NKAIN2: variants seen among roughly 807,000 people sequenced by gnomAD.
NKAIN2 encodes the protein sodium/potassium-transporting ATPase subunit beta-1-interacting protein 2.
A neutral mutation model predicts 32.6 loss-of-function variants in NKAIN2; 14 were observed. That is an observed-to-expected ratio of 0.43 (90% CI 0.28 to 0.67). NKAIN2 has a LOEUF of 0.67. Among genes scored for constraint, NKAIN2 ranks in the 30% least tolerant of loss-of-function variants. The pLI, the probability that NKAIN2 is intolerant of heterozygous loss-of-function variation, is 0.17. For missense variants in NKAIN2, 198 were observed against 258.3 expected, an observed-to-expected ratio of 0.77 and a Z score of 1.60; for synonymous variants, 80 against 87.2, an observed-to-expected ratio of 0.92 and a Z score of 0.46.
chr6:124,324,907 G>C (rs568635845), intron 2 of NKAIN2, among the ~76,000 whole-genome samples: 1 of 151,840 alleles, frequency 6.6e-6, no homozygotes, highest in Non-Finnish European at 1.5e-5. Context: ...TGGTCATAGT[G>C]TATTTAATAT....
At chr6:124,080,423 A>G (rs1397518737) in intron 1 of NKAIN2, among the ~76,000 whole-genome samples, 1 of 152,096 alleles carries the variant, frequency 6.6e-6, no homozygotes, top group Non-Finnish European at 1.5e-5. Flanking sequence ...TTTGATTGTC[A>G]GAGATATTTT....
At chr6:124,619,893 G>A (rs944173170) in intron 3 of NKAIN2, among the ~76,000 whole-genome samples, 4 of 152,086 alleles carry the variant, frequency 2.6e-5, no homozygotes, top group Admixed American at 1.3e-4. Flanking sequence ...TAGCTCTGCC[G>A]CTTATTTGCA....
At chr6:124,432,400 G>A (rs1347478960) in intron 3 of NKAIN2, among the ~76,000 whole-genome samples, 1 of 152,112 alleles carries the variant, frequency 6.6e-6, no homozygotes, top group African/African-American at 2.4e-5. Flanking sequence ...ATGTATGCAT[G>A]TTAAATCTTA....
intron 3 of NKAIN2, among the ~76,000 whole-genome samples, chr6:124,574,821 A>G (rs900053895): frequency 6.6e-6 from 1 of 152,164 alleles, no homozygotes; most frequent in Admixed American, 6.5e-5. Context: ...TTCCAAGTAT[A>G]CAGAATGCCT....
intron 3 of NKAIN2, among the ~76,000 whole-genome samples, chr6:124,550,689 T>C (rs936348280): frequency 7.9e-5 from 12 of 152,176 alleles, no homozygotes; most frequent in Non-Finnish European, 1.5e-4. Context: ...GTGATGCTTT[T>C]AGGAACACAG....
At chr6:124,088,901 G>A (rs1018235242) in intron 1 of NKAIN2, among the ~76,000 whole-genome samples, 4 of 151,860 alleles carry the variant, frequency 2.6e-5, no homozygotes, top group Non-Finnish European at 4.4e-5. Context: ...TTATATGTTG[G>A]CATAGAAAAC....
intron 1 of NKAIN2, among the ~76,000 whole-genome samples, chr6:124,044,719 CCTT>C (rs1782038980): frequency 6.6e-6 from 1 of 152,074 alleles, no homozygotes; most frequent in African/African-American, 2.4e-5. Flanking sequence ...GTATTTTTGA[CCTT>C]CTGCTTTGCA....
At chr6:124,435,975 C>A (rs332621) in intron 3 of NKAIN2, among the ~76,000 whole-genome samples, 46,156 of 151,940 alleles carry the variant, frequency 0.3, 7,630 homozygotes, top group African/African-American at 0.43. Flanking sequence ...TCCCCAATGT[C>A]AAGTGCTCTA....
intron 3 of NKAIN2, among the ~76,000 whole-genome samples, chr6:124,527,881 T>G (rs1329117841): frequency 1.3e-5 from 2 of 152,188 alleles, no homozygotes; most frequent in East Asian, 3.9e-4. Flanking sequence ...GAGAAGAGCA[T>G]GTGCAAATAT....
intron 3 of NKAIN2, among the ~76,000 whole-genome samples, chr6:124,568,408 C>T (rs1033950460): frequency 6.6e-6 from 1 of 152,096 alleles, no homozygotes; most frequent in East Asian, 1.9e-4. Flanking sequence ...TTCCAGGAGC[C>T]ATGCTAAACA....
At chr6:124,731,926 A>T (rs918160972) in intron 4 of NKAIN2, among the ~76,000 whole-genome samples, 3 of 152,106 alleles carry the variant, frequency 2.0e-5, no homozygotes, top group Non-Finnish European at 2.9e-5. Context: ...AAATGTCCAT[A>T]TGAAAATGAA....
At chr6:124,684,384 C>A (rs1169715696) in intron 4 of NKAIN2, among the ~76,000 whole-genome samples, 1 of 152,136 alleles carries the variant, frequency 6.6e-6, no homozygotes. Flanking sequence ...TCAGGCTCCA[C>A]CCCAGACTCC....
intron 3 of NKAIN2, among the ~76,000 whole-genome samples, chr6:124,599,725 A>C (rs614987): frequency 0.51 from 78,085 of 151,982 alleles, 21,815 homozygotes; most frequent in Non-Finnish European, 0.61. Context: ...TCCACAATGC[A>C]TTAAGTAACT....
At chr6:124,727,351 T>G (rs368625288) in intron 4 of NKAIN2, among the ~76,000 whole-genome samples, 1 of 152,116 alleles carries the variant, frequency 6.6e-6, no homozygotes, top group Admixed American at 6.5e-5. Flanking sequence ...AGACTAACAG[T>G]GGATCTCTTG....
intron 3 of NKAIN2, among the ~76,000 whole-genome samples, chr6:124,359,301 C>T (rs924773193): frequency 1.3e-5 from 2 of 152,136 alleles, no homozygotes; most frequent in Non-Finnish European, 2.9e-5. Context: ...TTTTCCAATT[C>T]TGTGAAGAAA....
chr6:124,437,834 C>T (rs1002286305), intron 3 of NKAIN2: 19 of 389,462 alleles, frequency 4.9e-5, no homozygotes, highest in Admixed American at 1.4e-4. Flanking sequence ...GCATGGGATA[C>T]GGTAGCTGAA....
intron 3 of NKAIN2, among the ~76,000 whole-genome samples, chr6:124,632,436 T>C (rs567644593): frequency 1.3e-5 from 2 of 152,260 alleles, no homozygotes; most frequent in East Asian, 1.9e-4. Context: ...CCTACCCTCA[T>C]CTTGCTACCA....
chr6:124,352,511 A>G (rs1471955073), intron 2 of NKAIN2, among the ~76,000 whole-genome samples: 4 of 152,216 alleles, frequency 2.6e-5, no homozygotes, highest in Non-Finnish European at 5.9e-5. Context: ...TAAATACTAT[A>G]TTGGAAAGAA....
At chr6:124,262,499 A>G (rs1227178747) in intron 1 of NKAIN2, among the ~76,000 whole-genome samples, 1 of 152,206 alleles carries the variant, frequency 6.6e-6, no homozygotes, top group Non-Finnish European at 1.5e-5. Flanking sequence ...ATTACAGGAA[A>G]TGCACACCAG....
Sources: allele counts gnomAD v4.1 joint callset (sites outside exome capture counted in the v4.1 genomes callset), GRCh38; gene constraint gnomAD v4.1.1; transcripts MANE v1.5; gene names NCBI Gene and HGNC (gene_info 2026-07-23, HGNC 2026-07-21).